The following ORC3 variants were observed in gnomAD, a reference collection of about 807,000 sequenced individuals.
ORC3 encodes the protein homolog of latheo, Drosophila.
ORC3 carries 78 observed loss-of-function variants against 100.7 expected under a neutral mutation model. The ratio of observed to expected loss-of-function variants is 0.77; its 90% CI spans 0.65 to 0.94. The LOEUF is 0.94. Among genes scored for constraint, ORC3 ranks in the 40% least tolerant of loss-of-function variants. ORC3 has a pLI of 0.00. For missense variants in ORC3, 789 were observed against 823.9 expected, an observed-to-expected ratio of 0.96 and a Z score of 0.52; for synonymous variants, 295 against 289.3, an observed-to-expected ratio of 1.02 and a Z score of -0.20.
At chr6:87,602,625 C>T (rs953612641) in intron 3 of ORC3, among the ~76,000 whole-genome samples, 3 of 152,028 alleles carry the variant, frequency 2.0e-5, no homozygotes, top group Non-Finnish European at 4.4e-5. Flanking sequence ...TCCATGTGAT[C>T]CTTCAAGGTA....
the ORC3 span, among the ~76,000 whole-genome samples, chr6:87,674,012 A>C: frequency 1.3e-5 from 2 of 152,136 alleles, no homozygotes; most frequent in African/African-American, 4.8e-5. Context: ...ACCAAAGCTA[A>C]AAATAAAAGA....
chr6:87,607,015 A>C (rs1042686929), intron 5 of ORC3, among the ~76,000 whole-genome samples: 1 of 152,210 alleles, frequency 6.6e-6, no homozygotes, highest in African/African-American at 2.4e-5. Context: ...TTCATATGAC[A>C]CTTGATTTTT....
chr6:87,663,270 CAT>C (rs1770346204), intron 17 of ORC3, 126 bp downstream of exon 17: 6 of 630,590 alleles, frequency 9.5e-6, no homozygotes, highest in Non-Finnish European at 1.5e-5. Context: ...TTGCACGTCT[CAT>C]ATATTTTTAA....
intron 11 of ORC3, among the ~76,000 whole-genome samples, chr6:87,629,533 G>C (rs4498321): frequency 0.6 from 91,115 of 151,974 alleles, 27,932 homozygotes; most frequent in African/African-American, 0.72. Flanking sequence ...ACAATAGGGG[G>C]TCTGTCATAT....
intron 17 of ORC3, among the ~76,000 whole-genome samples, chr6:87,664,251 AG>A (rs1411562590): frequency 6.6e-6 from 1 of 152,120 alleles, no homozygotes; most frequent in Non-Finnish European, 1.5e-5. Flanking sequence ...AATAGGTTGA[AG>A]AAACACTGAT....
At chr6:87,652,988 G>T in intron 13 of ORC3, 128 bp from the exon 14 acceptor site, 1 of 639,482 alleles carries the variant, frequency 1.6e-6, no homozygotes, top group Non-Finnish European at 2.5e-6. Context: ...AAAAAATGTT[G>T]GTAGCTACTA....
chr6:87,643,716 A>G (rs1348593423), intron 13 of ORC3, among the ~76,000 whole-genome samples: 6 of 152,218 alleles, frequency 3.9e-5, no homozygotes, highest in Non-Finnish European at 7.3e-5. Flanking sequence ...GAAATAACTC[A>G]TCAAATTTTG....
At chr6:87,671,361 A>C (rs1770496545), downstream of ORC3, among the ~76,000 whole-genome samples, 1 of 152,162 alleles carries the variant, frequency 6.6e-6, no homozygotes, top group Admixed American at 6.5e-5. Flanking sequence ...GTGCAAGACC[A>C]TTTCTGCCTA....
At chr6:87,622,843 G>A (rs1409473622) in intron 11 of ORC3, among the ~76,000 whole-genome samples, 1 of 152,162 alleles carries the variant, frequency 6.6e-6, no homozygotes, top group African/African-American at 2.4e-5. Context: ...GTACTGAAGA[G>A]TGACATAGTA....
chr6:87,658,911 C>T (rs1769937016), intron 16 of ORC3, among the ~76,000 whole-genome samples: 1 of 138,438 alleles, frequency 7.2e-6, no homozygotes, highest in Non-Finnish European at 1.5e-5. Flanking sequence ...CAAAAGTCAG[C>T]TTTATGTAGC....
chr6:87,671,349 G>A (rs1307451613), downstream of ORC3, among the ~76,000 whole-genome samples: 1 of 152,056 alleles, frequency 6.6e-6, no homozygotes, highest in Non-Finnish European at 1.5e-5. Flanking sequence ...AGGATGTGAG[G>A]AGTGCAAGAC....
downstream of ORC3, among the ~76,000 whole-genome samples, chr6:87,670,031 T>C (rs1027471871): frequency 7.2e-5 from 11 of 152,228 alleles, no homozygotes; most frequent in African/African-American, 2.7e-4. Context: ...ACAGATTCAC[T>C]GAGTAGAGTA....
chr6:87,629,103 T>G (rs1780124815), intron 11 of ORC3, among the ~76,000 whole-genome samples: 1 of 152,190 alleles, frequency 6.6e-6, no homozygotes, highest in Non-Finnish European at 1.5e-5. Flanking sequence ...TTGGCATTCT[T>G]ATTAGATAGC....
At position 87,609,263 on chromosome 6, in the gene ORC3, C is replaced by T. The variant is rs757450900; in HGVS notation, c.713+34C>T. On this transcript the variant is annotated intron_variant, in intron 7 of 19. Coordinates refer to ENST00000392844, the MANE Select transcript of ORC3 (RefSeq NM_012381.4). ...TGTATTACCTGGCTTTTATGAAAAA[C>T]TCCCTTTTTAAGAAAATACTACTTT... is the stretch of plus-strand genomic sequence containing the variant. The T allele has an allele frequency of 3.4e-6, 5 of 1,473,586 alleles. No homozygotes were observed. The East Asian group carries it at 9.7e-5, about 29-fold the overall frequency. 91.3% of individuals were successfully genotyped at this position (1,473,586 alleles called of 1,614,324 possible).
chr6:87,632,052 T>C lies in ORC3; in HGVS notation c.1186-2793T>C, dbSNP rs1004616773. Among the ~76,000 whole-genome samples the C allele has an allele frequency of 2.2e-4, 34 of 152,034 alleles. 2 individuals carry two copies. Among genetic ancestry groups the C allele is most frequent in the Admixed American group, 2.2e-3 (33 of 15,272 alleles). On this transcript the variant is annotated intron_variant, in intron 11 of 19. Transcript: ENST00000392844. The stretch of plus-strand genomic sequence containing the variant: ...TATGGCAGGCGCCTGTAATTCCAGC[T>C]ACTCAGGAGGCTGAGGCAGGAGAAC...
chr6:87,625,873 G>A (rs188658606), intron 11 of ORC3, among the ~76,000 whole-genome samples: 9 of 152,216 alleles, frequency 5.9e-5, no homozygotes, highest in Non-Finnish European at 1.2e-4. Context: ...ATAAGGTTAA[G>A]GAAGGGATCC....
At position 87,616,545 on chromosome 6, in the gene ORC3, T is replaced by A; in HGVS notation, c.987+118T>A. The A allele has an allele frequency of 1.2e-5, 6 of 514,552 alleles. No homozygotes were observed. In the South Asian group the frequency reaches 1.7e-4, roughly 14 times the overall value. The allele number at this position is 514,552 out of a possible 1,614,324, so 31.9% of individuals were successfully genotyped here. Reference sequence around the variant, plus strand: ...ATGGCAAAATCTAGAATAAGTAAATTCCAGTTATTTTATTCTAGGTTCTAC... The same window carrying A: ...ATGGCAAAATCTAGAATAAGTAAATACCAGTTATTTTATTCTAGGTTCTAC... On this transcript the variant is annotated intron_variant, in intron 9 of 19. Transcript: ENST00000392844.
chr6:87,606,197 G>A (rs1778328714), intron 5 of ORC3, among the ~76,000 whole-genome samples, 176 bp downstream of exon 5: 1 of 152,136 alleles, frequency 6.6e-6, no homozygotes, highest in Non-Finnish European at 1.5e-5. Flanking sequence ...ACAGAACTCT[G>A]CCTTCTTTTG....
chr6:87,623,424 G>A (rs941556329), intron 11 of ORC3, among the ~76,000 whole-genome samples: 2 of 152,206 alleles, frequency 1.3e-5, no homozygotes, highest in Non-Finnish European at 1.5e-5. Flanking sequence ...AGTCTTTGGA[G>A]ATTAGCTAGA....
Sources: allele counts gnomAD v4.1 joint callset (sites outside exome capture counted in the v4.1 genomes callset), GRCh38; gene constraint gnomAD v4.1.1; transcripts MANE v1.5; gene names NCBI Gene and HGNC (gene_info 2026-07-23, HGNC 2026-07-21).